Variants in CTIF observed in about 807,000 individuals in gnomAD.
The protein encoded by CTIF is CBP80/20-dependent translation initiation factor.
A neutral mutation model predicts 66.0 loss-of-function variants in CTIF; 21 were observed. That is an observed-to-expected ratio of 0.32 (90% CI 0.23 to 0.46). The LOEUF is 0.46. CTIF is among the 20% of genes least tolerant of loss of function. The probability of loss-of-function intolerance (pLI) is 1.00; values close to 1 mark genes in which losing one functional copy is unlikely to be tolerated. For missense variants in CTIF, 739 were observed against 812.7 expected (o/e 0.91, Z 1.10); for synonymous variants, 345 against 326.4 (o/e 1.06, Z -0.62).
intron 6 of CTIF, among the ~76,000 whole-genome samples, chr18:48,684,551 T>C (rs1381376429): frequency 6.6e-6 from 1 of 152,200 alleles, no homozygotes. Context: ...GAGAGAAGAA[T>C]TTTGTTCTCC....
intron 9 of CTIF, among the ~76,000 whole-genome samples, chr18:48,781,604 G>A (rs1415660039): frequency 6.6e-6 from 1 of 152,170 alleles, no homozygotes; most frequent in Non-Finnish European, 1.5e-5. Flanking sequence ...GGTTGTGAAA[G>A]TGACCTATGG....
intron 6 of CTIF, among the ~76,000 whole-genome samples, chr18:48,707,708 T>G (rs1274933177): frequency 1.3e-5 from 2 of 152,166 alleles, no homozygotes; most frequent in Non-Finnish European, 2.9e-5. Context: ...TTTTACCTTT[T>G]TAATTGAGAT....
intron 1 of CTIF, among the ~76,000 whole-genome samples, chr18:48,541,712 T>C (rs2088624715): frequency 6.6e-6 from 1 of 152,172 alleles, no homozygotes; most frequent in Admixed American, 6.5e-5. Flanking sequence ...TCCTGGATAA[T>C]GGATGCTCAG....
intron 1 of CTIF, among the ~76,000 whole-genome samples, chr18:48,554,275 C>G (rs2088963157): frequency 6.6e-6 from 1 of 152,214 alleles, no homozygotes; most frequent in Non-Finnish European, 1.5e-5. Context: ...AGTTCGCATA[C>G]CAGGCTTGCC....
At chr18:48,746,153 TGG>T (rs2145784004) in intron 7 of CTIF, among the ~76,000 whole-genome samples, 1 of 152,296 alleles carries the variant, frequency 6.6e-6, no homozygotes, top group East Asian at 1.9e-4. Context: ...GTCCCATCTG[TGG>T]GGCCATCTTT....
intron 9 of CTIF, among the ~76,000 whole-genome samples, chr18:48,810,157 A>G (rs907090152): frequency 1.3e-5 from 2 of 152,104 alleles, no homozygotes; most frequent in African/African-American, 2.4e-5. Flanking sequence ...TCTAGTTTTT[A>G]TACTAAGCCT....
rs549736522 is a variant in CTIF, at chr18:48,822,936, ACC to A, written c.1527+5561_1527+5562del. The stretch of plus-strand genomic sequence containing the variant: ...AATGACATTGAGCATCTTTTCATAT[ACC>A]TGCTGGCCATTTTCCATGTCTTCTT... On this transcript the variant is annotated intron_variant, in intron 10 of 11. Coordinates refer to ENST00000256413, the MANE Select transcript of CTIF (RefSeq NM_014772.3). Among the ~76,000 whole-genome samples, 336 of 152,204 alleles carry A rather than the reference ACC, an allele frequency of 2.2e-3. 3 individuals carry two copies. Among genetic ancestry groups the A allele is most frequent in the Admixed American group, 0.019 (295 of 15,278 alleles).
chr18:48,843,578 G>A (rs1039475155), intron 10 of CTIF, among the ~76,000 whole-genome samples: 1 of 152,184 alleles, frequency 6.6e-6, no homozygotes, highest in Non-Finnish European at 1.5e-5. Context: ...CACGGGGAAG[G>A]GAAATGGAAT....
At chr18:48,772,761 C>T (rs1277537953) in intron 9 of CTIF, among the ~76,000 whole-genome samples, 1 of 152,122 alleles carries the variant, frequency 6.6e-6, no homozygotes, top group Non-Finnish European at 1.5e-5. Flanking sequence ...TTTCTTCCAC[C>T]TTTTGACTAT....
intron 1 of CTIF, among the ~76,000 whole-genome samples, chr18:48,582,201 T>C (rs2089672617): frequency 6.6e-6 from 1 of 151,632 alleles, no homozygotes; most frequent in Non-Finnish European, 1.5e-5. Flanking sequence ...CAGCTGCCAG[T>C]GTCAGAGGAA....
At chr18:48,818,286 C>A (rs571901182) in intron 10 of CTIF, among the ~76,000 whole-genome samples, 1 of 152,218 alleles carries the variant, frequency 6.6e-6, no homozygotes, top group East Asian at 1.9e-4. Flanking sequence ...GGAGTGAGGG[C>A]GAAGAGCACG....
intron 6 of CTIF, among the ~76,000 whole-genome samples, chr18:48,708,092 T>C (rs987822983): frequency 6.6e-5 from 10 of 152,230 alleles, no homozygotes; most frequent in African/African-American, 2.4e-4. Context: ...TGTATATATG[T>C]ACCATAATTT....
chr18:48,636,721 C>T, intron 3 of CTIF, 36 bp downstream of exon 3: 1 of 1,492,642 alleles, frequency 6.7e-7, no homozygotes, highest in Non-Finnish European at 8.9e-7. Flanking sequence ...CTGGGGGTGT[C>T]CTATGTCTTG....
chr18:48,681,679 G>A (rs886787781), intron 6 of CTIF, among the ~76,000 whole-genome samples: 3 of 152,154 alleles, frequency 2.0e-5, no homozygotes, highest in Non-Finnish European at 4.4e-5. Flanking sequence ...CTCTCAGCTT[G>A]GTGACTGATT....
chr18:48,817,187 C>T (rs367784298), intron 9 of CTIF, 34 bp from the exon 10 acceptor site: 265 of 1,601,330 alleles, frequency 1.7e-4, no homozygotes, highest in South Asian at 7.3e-4. Flanking sequence ...TCCCCAGCCC[C>T]GGGAGGCTGA....
At chr18:48,604,241 A>C (rs1161988130) in intron 1 of CTIF, among the ~76,000 whole-genome samples, 1 of 111,672 alleles carries the variant, frequency 9.0e-6, no homozygotes, top group Non-Finnish European at 1.7e-5. Context: ...CAGTGGTGTG[A>C]TCTTGGCTCA....
At chr18:48,839,190 G>T (rs1003796784) in intron 10 of CTIF, among the ~76,000 whole-genome samples, 1 of 152,068 alleles carries the variant, frequency 6.6e-6, no homozygotes, top group Non-Finnish European at 1.5e-5. Context: ...CCCTCTCACT[G>T]GCTCACCCCT....
At chr18:48,764,380 G>A (rs1009636751) in intron 9 of CTIF, among the ~76,000 whole-genome samples, 1 of 152,204 alleles carries the variant, frequency 6.6e-6, no homozygotes, top group Non-Finnish European at 1.5e-5. Context: ...AATCCACAGT[G>A]ACAAACTGGG....
chr18:48,644,654 A>G (rs1797341588), intron 3 of CTIF, among the ~76,000 whole-genome samples: 1 of 152,344 alleles, frequency 6.6e-6, no homozygotes, highest in Non-Finnish European at 1.5e-5. Flanking sequence ...TGCTTGCTGT[A>G]TACATTCTGA....
Sources: gnomAD v4.1 joint callset for allele counts (sites outside exome capture counted in the v4.1 genomes callset) on GRCh38, gnomAD v4.1.1 for gene constraint, MANE v1.5 for transcripts, NCBI Gene and HGNC (gene_info 2026-07-23, HGNC 2026-07-21) for gene names.